The following KCNH8 variants were observed in gnomAD, a reference collection of about 807,000 sequenced individuals.
KCNH8 encodes voltage-gated delayed rectifier potassium channel KCNH8.
In KCNH8, 70 loss-of-function variants were observed where a neutral mutation model predicts 103.6. That is an observed-to-expected ratio of 0.68 (90% confidence interval 0.56 to 0.82). KCNH8 has a LOEUF of 0.82. Ranked by LOEUF, KCNH8 falls within the 40% of genes least tolerant of loss-of-function variation. The pLI, the probability that KCNH8 is intolerant of heterozygous loss-of-function variation, is 0.00. For synonymous variants in KCNH8, 498 were observed against 489.4 expected (o/e 1.02, Z -0.23); for missense variants, 1,217 against 1,329.9 (o/e 0.92, Z 1.32).
chr3:19,299,596 A>C (rs989505260), intron 3 of KCNH8, among the ~76,000 whole-genome samples: 1 of 152,162 alleles, frequency 6.6e-6, no homozygotes, highest in Non-Finnish European at 1.5e-5. Flanking sequence ...CCCCTATGAC[A>C]CAGTTTACCT....
intron 11 of KCNH8, among the ~76,000 whole-genome samples, chr3:19,484,391 C>T (rs946408848): frequency 2.6e-5 from 4 of 152,096 alleles, no homozygotes; most frequent in South Asian, 2.1e-4. Context: ...GTCTTTCATG[C>T]GGGGAAAATC....
At chr3:19,494,162 G>C (rs972122762) in intron 11 of KCNH8, among the ~76,000 whole-genome samples, 1 of 152,146 alleles carries the variant, frequency 6.6e-6, no homozygotes, top group Admixed American at 6.5e-5. Context: ...TGCTGCAAAG[G>C]GCAGGAGCTC....
chr3:19,441,876 C>A (rs1170399903), intron 8 of KCNH8, among the ~76,000 whole-genome samples: 1 of 152,164 alleles, frequency 6.6e-6, no homozygotes, highest in African/African-American at 2.4e-5. Context: ...ACGCAGCATA[C>A]AGTGAAATCA....
chr3:19,470,411 C>T (rs1160032683), intron 11 of KCNH8, among the ~76,000 whole-genome samples: 1 of 152,196 alleles, frequency 6.6e-6, no homozygotes, highest in Non-Finnish European at 1.5e-5. Flanking sequence ...GACTTGCCAT[C>T]TTATTTCCTG....
intron 2 of KCNH8, among the ~76,000 whole-genome samples, chr3:19,270,285 A>C (rs1399950726): frequency 6.6e-6 from 1 of 152,188 alleles, no homozygotes; most frequent in African/African-American, 2.4e-5. Flanking sequence ...TGACCTTTGA[A>C]GATGAATAAC....
At position 19,326,492 on chromosome 3, in the gene KCNH8, C is replaced by CT. The variant is rs2065427188; in HGVS notation, c.443-16090dup. 3.3e-5 allele frequency among the ~76,000 whole-genome samples: 5 copies of CT among 151,606 alleles called. No individual in the cohort carries two copies. In the South Asian group the frequency reaches 1.0e-3, roughly 32 times the overall value. ...AGTGTCTCTGGTACTTTTTAAACTCCTTTTTCTGAGTCAGGCTTAGGTAAA... is the reference window on the plus strand; with the variant it reads ...AGTGTCTCTGGTACTTTTTAAACTCCTTTTTTCTGAGTCAGGCTTAGGTAAA... On this transcript the variant is annotated intron_variant, in intron 3 of 15. Transcript: ENST00000328405.
intron 1 of KCNH8, among the ~76,000 whole-genome samples, chr3:19,234,337 C>T (rs1438008666): frequency 6.6e-6 from 1 of 152,164 alleles, no homozygotes; most frequent in Non-Finnish European, 1.5e-5. Flanking sequence ...GAGCAGGGGG[C>T]GCCGCTCGTG....
chr3:19,158,775 C>A (rs1455812374), intron 1 of KCNH8, among the ~76,000 whole-genome samples: 1 of 151,934 alleles, frequency 6.6e-6, no homozygotes, highest in Non-Finnish European at 1.5e-5. Context: ...AGCTTACTGA[C>A]TTTCTCCTAT....
chr3:19,492,684 T>A (rs2068348981), intron 11 of KCNH8, among the ~76,000 whole-genome samples: 1 of 152,180 alleles, frequency 6.6e-6, no homozygotes, highest in African/African-American at 2.4e-5. Flanking sequence ...TGGTTCCATA[T>A]GAATTTTAAA....
At chr3:19,256,032 T>C (rs2064342241) in intron 2 of KCNH8, among the ~76,000 whole-genome samples, 1 of 152,142 alleles carries the variant, frequency 6.6e-6, no homozygotes, top group Non-Finnish European at 1.5e-5. Flanking sequence ...TAAATTGTAC[T>C]CTAACACAGG....
At chr3:19,479,627 T>C (rs925920606) in intron 11 of KCNH8, among the ~76,000 whole-genome samples, 3 of 152,180 alleles carry the variant, frequency 2.0e-5, no homozygotes, top group African/African-American at 7.2e-5. Context: ...ATTTACTATT[T>C]ATGGGCACCT....
chr3:19,444,255 A>T (rs1453694267), intron 8 of KCNH8, among the ~76,000 whole-genome samples: 1 of 152,096 alleles, frequency 6.6e-6, no homozygotes, highest in African/African-American at 2.4e-5. Context: ...TTCATTTGTG[A>T]TACGGATGCT....
rs184962618 is a variant in KCNH8 at position 19,399,152 on chromosome 3, G to A, written c.1177+3841G>A. Among the ~76,000 whole-genome samples, 359 of 152,020 alleles carry A rather than the reference G, an allele frequency of 2.4e-3. 5 individuals carry two copies. Among genetic ancestry groups the A allele is most frequent in the African/African-American group, 8.1e-3 (337 of 41,502 alleles). ...ATGGAATTTAGATATAGTGCTTCAAGGGTAAGATTAAACACTGTATTAAAG... is the reference window on the plus strand; with the variant it reads ...ATGGAATTTAGATATAGTGCTTCAAAGGTAAGATTAAACACTGTATTAAAG... On this transcript the variant is annotated intron_variant, in intron 7 of 15. Coordinates refer to ENST00000328405, the MANE Select transcript of KCNH8 (RefSeq NM_144633.3).
At chr3:19,260,744 G>T (rs897399223) in intron 2 of KCNH8, among the ~76,000 whole-genome samples, 6 of 147,946 alleles carry the variant, frequency 4.1e-5, no homozygotes, top group Non-Finnish European at 7.5e-5. Flanking sequence ...CCTTTGAACT[G>T]CATCCCCCCA....
chr3:19,403,814 G>C (rs1404931413), intron 7 of KCNH8, among the ~76,000 whole-genome samples: 1 of 151,812 alleles, frequency 6.6e-6, no homozygotes, highest in Non-Finnish European at 1.5e-5. Context: ...GAGGTTAATT[G>C]TCATTCTGTA....
intron 5 of KCNH8, among the ~76,000 whole-genome samples, chr3:19,364,476 T>C (rs1434306406): frequency 2.0e-5 from 3 of 152,190 alleles, no homozygotes; most frequent in South Asian, 4.1e-4. Context: ...GAATGTATTA[T>C]ATTGAGCATT....
chr3:19,224,815 A>C (rs1377912762), intron 1 of KCNH8, among the ~76,000 whole-genome samples: 3 of 152,154 alleles, frequency 2.0e-5, no homozygotes, highest in African/African-American at 7.2e-5. Context: ...TATGTTTTGG[A>C]CTAGGTGTTA....
At chr3:19,227,894 C>G (rs2063949719) in intron 1 of KCNH8, among the ~76,000 whole-genome samples, 1 of 151,738 alleles carries the variant, frequency 6.6e-6, no homozygotes, top group Non-Finnish European at 1.5e-5. Flanking sequence ...GGAAAGGAAC[C>G]ACCCTTTTGG....
chr3:19,378,819 A>G (rs1228127037), intron 5 of KCNH8, among the ~76,000 whole-genome samples: 1 of 152,236 alleles, frequency 6.6e-6, no homozygotes, highest in Non-Finnish European at 1.5e-5. Context: ...CACAAACTTC[A>G]GAGCCTAATA....
Sources: allele counts gnomAD v4.1 joint callset (sites outside exome capture counted in the v4.1 genomes callset), GRCh38; gene constraint gnomAD v4.1.1; transcripts MANE v1.5; gene names NCBI Gene and HGNC (gene_info 2026-07-23, HGNC 2026-07-21).